Variants in FGF1 observed in about 807,000 individuals in gnomAD.
FGF1 encodes the protein fibroblast growth factor 1.
Under a neutral mutation model 13.4 loss-of-function variants are expected in FGF1, and 9 were observed. That is an observed-to-expected ratio of 0.67 (90% CI 0.40 to 1.17). The LOEUF is 1.17. Ranked by LOEUF, FGF1 falls within the 50% of genes most tolerant of loss-of-function variation. The pLI is 0.01. For synonymous variants in FGF1, 93 were observed against 79.0 expected (o/e 1.18, Z -0.94); for missense variants, 156 against 192.7 (o/e 0.81, Z 1.13).
At chr5:142,662,758 T>C (rs1038396083) in intron 1 of FGF1, among the ~76,000 whole-genome samples, 12 of 152,336 alleles carry the variant, frequency 7.9e-5, no homozygotes, top group African/African-American at 2.6e-4. Flanking sequence ...TAGGTAGCAC[T>C]TTTCATACTT....
intron 1 of FGF1, among the ~76,000 whole-genome samples, chr5:142,659,284 A>G (rs1297700756): frequency 2.7e-5 from 4 of 145,610 alleles, no homozygotes; most frequent in African/African-American, 7.7e-5. Context: ...GCTGGAGTGC[A>G]GTGGCGTGAT....
chr5:142,656,765 A>G (rs1768252966), intron 1 of FGF1, among the ~76,000 whole-genome samples: 1 of 152,252 alleles, frequency 6.6e-6, no homozygotes, highest in African/African-American at 2.4e-5. Flanking sequence ...CAATATATCC[A>G]GAATTATCCC....
chr5:142,643,762 T>C (rs946850263), intron 1 of FGF1, among the ~76,000 whole-genome samples: 4 of 152,106 alleles, frequency 2.6e-5, no homozygotes, highest in Non-Finnish European at 4.4e-5. Context: ...CTCTTAGTTA[T>C]AGTAAAACAG....
At chr5:142,689,039 G>T (rs1416551739), upstream of FGF1, among the ~76,000 whole-genome samples, 1 of 152,140 alleles carries the variant, frequency 6.6e-6, no homozygotes, top group Non-Finnish European at 1.5e-5. Flanking sequence ...GGTTCAAAAT[G>T]CCCCCAATAT....
At chr5:142,644,190 C>T (rs1765641194) in intron 1 of FGF1, 1 of 152,232 alleles carries the variant, frequency 6.6e-6, no homozygotes, top group Admixed American at 6.5e-5. Context: ...CTAAGGAATC[C>T]CCCAAGAGTC....
intron 1 of FGF1, among the ~76,000 whole-genome samples, chr5:142,678,278 G>T (rs1441210682): frequency 6.6e-6 from 1 of 152,162 alleles, no homozygotes; most frequent in Non-Finnish European, 1.5e-5. Flanking sequence ...AAACTGAAGA[G>T]AAGGGAATTA....
chr5:142,689,114 G>A (rs1219782271), upstream of FGF1, among the ~76,000 whole-genome samples: 1 of 152,162 alleles, frequency 6.6e-6, no homozygotes, highest in Non-Finnish European at 1.5e-5. Context: ...TCTTGAGAAT[G>A]ACATTCAATA....
chr5:142,670,083 G>A lies in FGF1; in HGVS notation c.-35+15874C>T, dbSNP rs79766838. On this transcript the variant is annotated intron_variant, in intron 1 of 3. Coordinates refer to ENST00000337706, the MANE Select transcript of FGF1 (RefSeq NM_000800.5). ...CCTGCCCCACAGCTTTGCTGTTCCC[G>A]TCACTTCTGCACACTGGCACTGAGG... Among the ~76,000 whole-genome samples, 513 of 152,288 alleles carry A rather than the reference G, an allele frequency of 3.4e-3. 4 individuals carry two copies. The highest frequency in any genetic ancestry group is 0.011 in the African/African-American group (476 of 41,550).
intron 2 of FGF1, among the ~76,000 whole-genome samples, chr5:142,696,458 G>A (rs4285263): frequency 0.2 from 29,973 of 152,146 alleles, 4,925 homozygotes; most frequent in African/African-American, 0.45. Context: ...GATGGGTACA[G>A]TACCCACATT....
intron 1 of FGF1, among the ~76,000 whole-genome samples, chr5:142,619,283 C>T (rs1047756913): frequency 5.3e-5 from 8 of 152,098 alleles, no homozygotes; most frequent in Non-Finnish European, 1.2e-4. Context: ...GTGGAATACC[C>T]ATGAAGGAGG....
chr5:142,620,439 G>A (rs538070497), intron 1 of FGF1, among the ~76,000 whole-genome samples: 12 of 152,076 alleles, frequency 7.9e-5, no homozygotes, highest in Admixed American at 4.6e-4. Context: ...TTGAAAACTC[G>A]TGTGGCTATA....
chr5:142,690,551 G>C (rs1752032172), upstream of FGF1, among the ~76,000 whole-genome samples: 2 of 152,126 alleles, frequency 1.3e-5, no homozygotes, highest in Non-Finnish European at 2.9e-5. Flanking sequence ...ACACATTACT[G>C]TGCACAATGT....
At chr5:142,610,152 G>C (rs1758748408) in intron 2 of FGF1, among the ~76,000 whole-genome samples, 1 of 152,212 alleles carries the variant, frequency 6.6e-6, no homozygotes. Context: ...GTTGTGGTTA[G>C]GTAGAAGTGA....
intron 3 of FGF1, among the ~76,000 whole-genome samples, chr5:142,598,218 T>A (rs533867370): frequency 6.6e-6 from 1 of 152,328 alleles, no homozygotes; most frequent in South Asian, 2.1e-4. Context: ...GCCTGTGTTC[T>A]GTGACGAAGG....
rs1368636111 is a variant in FGF1 at position 142,614,045 on chromosome 5, A to T, written c.83T>A (p.Leu28His). Residue 28 changes from leucine to histidine, a missense_variant, in exon 2 of 4, where the codon CTC becomes CAC. Transcript: ENST00000337706. ...GTGGCCCCCGTTGCTACAGTAGAGG[A>T]GTTTGGGCTTCTTGTAATTCCCTGG... ...LPPGNYKKPK[L>H]LYCSNGGHFL... is the part of the protein sequence containing the mutation. The T allele has an allele frequency of 3.1e-6, 5 of 1,613,798 alleles. No individual in the cohort carries two copies. In the African/African-American group the frequency reaches 6.7e-5, roughly 22 times the overall value.
intron 1 of FGF1, among the ~76,000 whole-genome samples, chr5:142,625,589 G>T (rs981564944): frequency 6.6e-6 from 1 of 152,136 alleles, no homozygotes; most frequent in Non-Finnish European, 1.5e-5. Context: ...GTACACCACG[G>T]TCCAAACCAT....
intron 1 of FGF1, among the ~76,000 whole-genome samples, chr5:142,682,905 T>C (rs1290656484): frequency 1.3e-5 from 2 of 152,150 alleles, no homozygotes; most frequent in Admixed American, 1.3e-4. Context: ...CCTTTGCTTA[T>C]CTTTCCGCTG....
intron 1 of FGF1, among the ~76,000 whole-genome samples, chr5:142,665,755 T>C (rs1770185873): frequency 6.6e-6 from 1 of 152,174 alleles, no homozygotes; most frequent in African/African-American, 2.4e-5. Context: ...CACTGAAGGT[T>C]CTACAGTGAT....
At chr5:142,677,272 C>G (rs1455141721) in intron 1 of FGF1, among the ~76,000 whole-genome samples, 2 of 152,136 alleles carry the variant, frequency 1.3e-5, no homozygotes, top group East Asian at 3.8e-4. Context: ...TCCACTATTC[C>G]CATCAGACTG....
Sources: gnomAD v4.1 joint callset for allele counts (sites outside exome capture counted in the v4.1 genomes callset) on GRCh38, gnomAD v4.1.1 for gene constraint, MANE v1.5 for transcripts, NCBI Gene and HGNC (gene_info 2026-07-23, HGNC 2026-07-21) for gene names.